Variants in RIT2 observed in about 807,000 individuals in gnomAD.
RIT2 encodes the protein Ras like without CAAX 2.
Under a neutral mutation model 23.7 loss-of-function variants are expected in RIT2, and 24 were observed. That is an observed-to-expected ratio of 1.01 (90% CI 0.73 to 1.43). The LOEUF (loss-of-function observed/expected upper bound fraction) is 1.43, where lower values mean the gene tolerates loss of function less well. RIT2 is among the 40% of genes most tolerant of loss of function. RIT2 has a pLI of 0.00. For synonymous variants in RIT2, 107 were observed against 91.1 expected, an observed-to-expected ratio of 1.17 and a Z score of -0.99; for missense variants, 236 against 266.9, an observed-to-expected ratio of 0.88 and a Z score of 0.81.
At chr18:42,762,397 T>C (rs1227605239) in intron 4 of RIT2, among the ~76,000 whole-genome samples, 6 of 152,150 alleles carry the variant, frequency 3.9e-5, no homozygotes, top group Non-Finnish European at 5.9e-5. Flanking sequence ...TTTGTTCTTA[T>C]AGAAACCAAA....
chr18:43,108,389 T>A (rs1368105081), intron 1 of RIT2, among the ~76,000 whole-genome samples: 1 of 151,928 alleles, frequency 6.6e-6, no homozygotes, highest in East Asian at 1.9e-4. Flanking sequence ...TTTTCTCACT[T>A]ATAAAACGCA....
chr18:42,878,470 G>C (rs1907801888), intron 4 of RIT2, among the ~76,000 whole-genome samples: 1 of 151,728 alleles, frequency 6.6e-6, no homozygotes, highest in Non-Finnish European at 1.5e-5. Context: ...AAGAGGAGAG[G>C]CTGGTCTTAC....
Position 42,957,814 on chromosome 18 carries a change from T to C in RIT2, c.234+16260A>G, listed in dbSNP as rs571802026. On this transcript the variant is annotated intron_variant, in intron 3 of 4. Transcript: ENST00000326695. ...ATTAATTAACTAATTAATTGATTCA[T>C]TAATTAATAATAATTTACTTAAACT... Among the ~76,000 whole-genome samples the C allele has an allele frequency of 2.8e-3, 421 of 152,290 alleles. 2 individuals carry two copies. Among genetic ancestry groups the C allele is most frequent in the African/African-American group, 9.6e-3 (399 of 41,546 alleles).
intron 4 of RIT2, among the ~76,000 whole-genome samples, chr18:42,839,345 T>C (rs1173529463): frequency 6.6e-6 from 1 of 152,148 alleles, no homozygotes; most frequent in Non-Finnish European, 1.5e-5. Context: ...ATGAGAATAC[T>C]GGACTTTGCT....
At chr18:42,923,463 A>G in intron 4 of RIT2, 109 bp downstream of exon 4, 1 of 907,638 alleles carries the variant, frequency 1.1e-6, no homozygotes, top group Non-Finnish European at 1.7e-6. Context: ...AATCATGTGC[A>G]TAATTTCTTT....
At chr18:42,774,671 G>A (rs986558059) in intron 4 of RIT2, among the ~76,000 whole-genome samples, 1 of 150,748 alleles carries the variant, frequency 6.6e-6, no homozygotes, top group Non-Finnish European at 1.5e-5. Flanking sequence ...ACCATGGAGA[G>A]ATAGCCTTAC....
chr18:42,998,807 G>A (rs965567524), intron 2 of RIT2, among the ~76,000 whole-genome samples: 3 of 152,016 alleles, frequency 2.0e-5, no homozygotes, highest in African/African-American at 4.8e-5. Flanking sequence ...TGCAATTAAC[G>A]CCTCTTCATT....
intron 4 of RIT2, among the ~76,000 whole-genome samples, chr18:42,899,169 T>C (rs1032260516): frequency 6.6e-6 from 1 of 151,864 alleles, no homozygotes; most frequent in Non-Finnish European, 1.5e-5. Flanking sequence ...CTTTCACTCA[T>C]TGACCTCAAT....
intron 4 of RIT2, among the ~76,000 whole-genome samples, chr18:42,779,226 T>C (rs796119089): frequency 3.9e-5 from 6 of 152,328 alleles, no homozygotes; most frequent in African/African-American, 1.4e-4. Context: ...CCTTGTTTTT[T>C]CTCTTCTCCT....
chr18:42,878,795 T>A lies in RIT2; in HGVS notation c.426+44777A>T, dbSNP rs144185768. 9.9e-4 allele frequency among the ~76,000 whole-genome samples: 150 copies of A among 152,072 alleles called. 2 individuals are homozygous for A. The highest frequency in any genetic ancestry group is 6.8e-3 in the South Asian group (33 of 4,818). On this transcript the variant is annotated intron_variant, in intron 4 of 4. Coordinates refer to ENST00000326695, the MANE Select transcript of RIT2 (RefSeq NM_002930.4). Reference sequence around the variant, plus strand: ...TGTTAGGCATTTTCTCTTGACTTTCTCTATGGAAGGTGAGAATTCAGCTTT... The same window carrying A: ...TGTTAGGCATTTTCTCTTGACTTTCACTATGGAAGGTGAGAATTCAGCTTT...
At chr18:42,892,495 T>C (rs1328296366) in intron 4 of RIT2, among the ~76,000 whole-genome samples, 1 of 152,178 alleles carries the variant, frequency 6.6e-6, no homozygotes, top group Non-Finnish European at 1.5e-5. Context: ...GAGGCTGAGG[T>C]CTGCATTACT....
At chr18:43,032,672 A>G (rs1911883731) in intron 2 of RIT2, among the ~76,000 whole-genome samples, 1 of 128,524 alleles carries the variant, frequency 7.8e-6, no homozygotes, top group Non-Finnish European at 1.6e-5. Context: ...AGTCCTTTCC[A>G]GTTATCACAT....
chr18:42,920,816 T>C (rs1298980242), intron 4 of RIT2: 15 of 1,105,230 alleles, frequency 1.4e-5, no homozygotes, highest in Non-Finnish European at 1.6e-5. Context: ...CTCTCACCAC[T>C]AAACAATAGC....
chr18:42,795,956 C>A (rs1905337790), intron 4 of RIT2, among the ~76,000 whole-genome samples: 1 of 152,088 alleles, frequency 6.6e-6, no homozygotes, highest in Non-Finnish European at 1.5e-5. Flanking sequence ...ATTGTAAAGG[C>A]ACCAATCAGC....
intron 4 of RIT2, among the ~76,000 whole-genome samples, chr18:42,887,079 T>C (rs1191845352): frequency 1.3e-5 from 2 of 152,192 alleles, no homozygotes; most frequent in Non-Finnish European, 2.9e-5. Flanking sequence ...CAATTATTTG[T>C]TTCATTTAAT....
At chr18:42,743,836 T>C (rs1912854754) in intron 4 of RIT2, 116 bp from the exon 5 acceptor site, 1 of 728,288 alleles carries the variant, frequency 1.4e-6, no homozygotes, top group Non-Finnish European at 2.2e-6. Context: ...AGCCATCGTA[T>C]CCCCTGTGAC....
intron 4 of RIT2, among the ~76,000 whole-genome samples, chr18:42,868,918 C>A (rs1907543818): frequency 6.6e-6 from 1 of 152,154 alleles, no homozygotes; most frequent in South Asian, 2.1e-4. Context: ...AGATGACAGT[C>A]CGGACTGGGC....
intron 1 of RIT2, among the ~76,000 whole-genome samples, chr18:43,085,534 C>T (rs1030592861): frequency 6.6e-6 from 1 of 152,088 alleles, no homozygotes; most frequent in Non-Finnish European, 1.5e-5. Flanking sequence ...TGGTAATCAC[C>T]TTTCTACATT....
chr18:42,777,865 C>A (rs932921487), intron 4 of RIT2, among the ~76,000 whole-genome samples: 2 of 152,154 alleles, frequency 1.3e-5, no homozygotes, highest in African/African-American at 4.8e-5. Flanking sequence ...GCATAAACCA[C>A]ATAATCTCTT....
Sources: gnomAD v4.1 joint callset for allele counts (sites outside exome capture counted in the v4.1 genomes callset) on GRCh38, gnomAD v4.1.1 for gene constraint, MANE v1.5 for transcripts, NCBI Gene and HGNC (gene_info 2026-07-23, HGNC 2026-07-21) for gene names.